MECOM: variants seen among roughly 807,000 people sequenced by gnomAD.
MECOM encodes MDS1 and EVI1 complex locus.
In MECOM, 13 loss-of-function variants were observed where a neutral mutation model predicts 116.3. That is an observed-to-expected ratio of 0.11 (90% CI 0.07 to 0.18). The LOEUF (loss-of-function observed/expected upper bound fraction) is 0.18. MECOM is among the 10% of genes least tolerant of loss of function. MECOM has a pLI of 1.00. For synonymous variants in MECOM, 528 were observed against 535.2 expected, an observed-to-expected ratio of 0.99 and a Z score of 0.19; for missense variants, 1,299 against 1,509.0, an observed-to-expected ratio of 0.86 and a Z score of 2.31.
rs1421539634 is a variant in MECOM, at chr3:169,330,905, GA to G, written c.375+50281del. ...ATAAATACATATTTGTCTATATATA[GA>G]AATATATATGTAAGTTATAGAGCTA... is the stretch of plus-strand genomic sequence containing the variant. On this transcript the variant is annotated intron_variant, in intron 2 of 16. Coordinates refer to ENST00000651503, the MANE Select transcript of MECOM (RefSeq NM_004991.4). 2.6e-5 allele frequency among the ~76,000 whole-genome samples: 4 copies of G among 151,776 alleles called. No individual in the cohort carries two copies. The East Asian group carries it at 7.7e-4, about 29-fold the overall frequency.
intron 2 of MECOM, among the ~76,000 whole-genome samples, chr3:169,152,413 G>T (rs987738095): frequency 6.6e-6 from 1 of 152,146 alleles, no homozygotes; most frequent in African/African-American, 2.4e-5. Flanking sequence ...AAGCCCTGCT[G>T]CTGTGCCCTG....
chr3:169,371,514 TAC>T lies in MECOM; in HGVS notation c.375+9671_375+9672del, dbSNP rs35247420. On this transcript the variant is annotated intron_variant, in intron 2 of 16. Transcript: ENST00000651503. Reference sequence around the variant, plus strand: ...GGGAGTAGATCTTAAGTATTTTCACTACACACACACACACACACACTCACACA... The same window carrying T: ...GGGAGTAGATCTTAAGTATTTTCACTACACACACACACACACACTCACACA... 2.9e-4 allele frequency among the ~76,000 whole-genome samples: 44 copies of T among 149,480 alleles called. 1 individual carries two copies. Among genetic ancestry groups the T allele is most frequent in the East Asian group, 1.6e-3 (8 of 5,044 alleles).
At chr3:169,131,715 CA>C (rs1734782233) in intron 3 of MECOM, 184 bp from the exon 4 acceptor site, 1 of 632,602 alleles carries the variant, frequency 1.6e-6, no homozygotes, top group African/African-American at 1.8e-5. Flanking sequence ...CCTCTGGTGA[CA>C]AATGGAAAGC....
chr3:169,292,551 G>A (rs1714778574), intron 2 of MECOM, among the ~76,000 whole-genome samples: 1 of 152,244 alleles, frequency 6.6e-6, no homozygotes, highest in Admixed American at 6.5e-5. Flanking sequence ...GGAGATGCAA[G>A]ATATCTGTTA....
chr3:169,460,947 G>C (rs1253235701), intron 1 of MECOM, among the ~76,000 whole-genome samples: 2 of 152,154 alleles, frequency 1.3e-5, no homozygotes, highest in East Asian at 3.9e-4. Context: ...GTTGGCCAGG[G>C]CCTTTTTGGA....
intron 1 of MECOM, among the ~76,000 whole-genome samples, chr3:169,385,394 G>A (rs1047454409): frequency 2.6e-5 from 4 of 151,818 alleles, no homozygotes; most frequent in African/African-American, 4.8e-5. Context: ...AAGAACTCAC[G>A]GACCTATTCA....
rs1553784114 is a variant in MECOM, at chr3:169,263,132, T to TG, written c.375+118054_375+118055insC. 4.3e-5 allele frequency among the ~76,000 whole-genome samples: 5 copies of TG among 117,558 alleles called. 1 individual carries two copies. In the South Asian group the frequency reaches 1.5e-3, roughly 34 times the overall value. 77.1% of individuals were successfully genotyped at this position (117,558 alleles called of 152,430 possible). A position where few individuals can be genotyped will look rare whatever the true frequency, so the allele number is the denominator to read the frequency against. On this transcript the variant is annotated intron_variant, in intron 2 of 16. Coordinates refer to ENST00000651503, the MANE Select transcript of MECOM (RefSeq NM_004991.4). ...ATATATATATATATATATATATGTTTTTTTTTTTTTTTTTGAGACAGAGTC... is the reference window on the plus strand; with the variant it reads ...ATATATATATATATATATATATGTTTGTTTTTTTTTTTTTTGAGACAGAGTC...
intron 2 of MECOM, among the ~76,000 whole-genome samples, chr3:169,150,746 T>C (rs1741057496): frequency 6.6e-6 from 1 of 152,214 alleles, no homozygotes; most frequent in Admixed American, 6.5e-5. Flanking sequence ...TGTTAATTGT[T>C]GTTTACCAGG....
At chr3:169,166,383 AT>A (rs139381141) in intron 2 of MECOM, among the ~76,000 whole-genome samples, 2,745 of 152,214 alleles carry the variant, frequency 0.018, 81 homozygotes, top group African/African-American at 0.062. Flanking sequence ...AATTGTCTAA[AT>A]TTTTATCACT....
intron 1 of MECOM, among the ~76,000 whole-genome samples, chr3:169,388,014 A>G (rs1277694338): frequency 3.3e-5 from 5 of 152,048 alleles, no homozygotes; most frequent in Non-Finnish European, 2.9e-5. Flanking sequence ...GGTGGGCCCA[A>G]GCGCCAGTAC....
chr3:169,560,419 A>C (rs988799796), intron 1 of MECOM, among the ~76,000 whole-genome samples: 2 of 152,186 alleles, frequency 1.3e-5, no homozygotes, highest in Admixed American at 6.5e-5. Context: ...TTAGATTGCC[A>C]GCATTGATTA....
At chr3:169,113,846 T>A (rs1228523300) in intron 8 of MECOM, among the ~76,000 whole-genome samples, 1 of 152,138 alleles carries the variant, frequency 6.6e-6, no homozygotes, top group Non-Finnish European at 1.5e-5. Flanking sequence ...TTATGCTTTT[T>A]TTTTAAGTCT....
intron 2 of MECOM, among the ~76,000 whole-genome samples, chr3:169,342,218 A>AT (rs1261463970): frequency 6.6e-6 from 1 of 152,052 alleles, no homozygotes; most frequent in Non-Finnish European, 1.5e-5. Context: ...TGTATAATTT[A>AT]TACTTATGGT....
At chr3:169,163,087 A>G (rs982827517) in intron 2 of MECOM, among the ~76,000 whole-genome samples, 3 of 152,198 alleles carry the variant, frequency 2.0e-5, no homozygotes, top group African/African-American at 7.2e-5. Context: ...CATAATGCCT[A>G]AATATATACT....
chr3:169,452,452 A>G (rs767964820), intron 1 of MECOM, among the ~76,000 whole-genome samples: 5 of 152,342 alleles, frequency 3.3e-5, no homozygotes, highest in Non-Finnish European at 5.9e-5. Context: ...TATATTATGC[A>G]TCTTCCTTCA....
At chr3:169,410,915 T>G (rs1333241672) in intron 1 of MECOM, among the ~76,000 whole-genome samples, 1 of 152,138 alleles carries the variant, frequency 6.6e-6, no homozygotes, top group Non-Finnish European at 1.5e-5. Context: ...GACTTACCCA[T>G]AGTCCACAAA....
intron 1 of MECOM, among the ~76,000 whole-genome samples, chr3:169,441,440 T>G (rs969464637): frequency 6.6e-6 from 1 of 152,158 alleles, no homozygotes; most frequent in Admixed American, 6.5e-5. Context: ...TGACATATAC[T>G]AGTAAGCATA....
At chr3:169,234,967 A>C (rs1453225222) in intron 2 of MECOM, among the ~76,000 whole-genome samples, 1 of 152,234 alleles carries the variant, frequency 6.6e-6, no homozygotes, top group East Asian at 1.9e-4. Context: ...ATTGGTTTGC[A>C]ATATTTCACC....
chr3:169,458,212 C>T (rs1351719592), intron 1 of MECOM, among the ~76,000 whole-genome samples: 1 of 152,172 alleles, frequency 6.6e-6, no homozygotes, highest in Non-Finnish European at 1.5e-5. Flanking sequence ...TTTCCACCCC[C>T]GCCTTCAACT....
Sources: gnomAD v4.1 joint callset for allele counts (sites outside exome capture counted in the v4.1 genomes callset) on GRCh38, gnomAD v4.1.1 for gene constraint, MANE v1.5 for transcripts, NCBI Gene and HGNC (gene_info 2026-07-23, HGNC 2026-07-21) for gene names.